The following JMJD1C variants were observed in gnomAD, a reference collection of about 807,000 sequenced individuals.
JMJD1C encodes the protein jumonji domain-containing protein 1C.
JMJD1C carries 31 observed loss-of-function variants against 245.3 expected under a neutral mutation model. The observed-to-expected ratio is 0.13, with a 90% confidence interval of 0.09 to 0.17. The LOEUF (loss-of-function observed/expected upper bound fraction) is 0.17. JMJD1C is among the 10% of genes least tolerant of loss of function. JMJD1C has a pLI of 1.00. For missense variants in JMJD1C, 2,691 were observed against 3,000.2 expected (o/e 0.90, Z 2.41); for synonymous variants, 1,057 against 1,017.4 (o/e 1.04, Z -0.74).
At chr10:63,374,194 A>G (rs1465473233) in intron 2 of JMJD1C, among the ~76,000 whole-genome samples, 1 of 152,190 alleles carries the variant, frequency 6.6e-6, no homozygotes, top group Non-Finnish European at 1.5e-5. Flanking sequence ...AACAAATATA[A>G]AAAACTCAAA....
intron 2 of JMJD1C, among the ~76,000 whole-genome samples, chr10:63,316,227 C>A (rs1228015415): frequency 6.6e-6 from 1 of 152,194 alleles, no homozygotes; most frequent in Non-Finnish European, 1.5e-5. Context: ...TCAAACATGT[C>A]ATTCCACTGC....
intron 2 of JMJD1C, among the ~76,000 whole-genome samples, chr10:63,272,712 G>A (rs1589355182): frequency 1.3e-5 from 2 of 152,072 alleles, no homozygotes; most frequent in East Asian, 3.8e-4. Flanking sequence ...ACCAAAAAAA[G>A]CAAATGCTTA....
At chr10:63,259,202 T>C (rs1183818993) in intron 3 of JMJD1C, among the ~76,000 whole-genome samples, 1 of 152,208 alleles carries the variant, frequency 6.6e-6, no homozygotes, top group Non-Finnish European at 1.5e-5. Flanking sequence ...TAAACAAACC[T>C]CTATCAACAA....
intron 23 of JMJD1C, chr10:63,177,381 C>A: frequency 7.6e-6 from 2 of 263,546 alleles, no homozygotes; most frequent in South Asian, 4.4e-5. Flanking sequence ...TAGACGTTTC[C>A]ATGAAATATT....
chr10:63,447,883 G>A (rs1951807431), intron 1 of JMJD1C, among the ~76,000 whole-genome samples: 1 of 151,896 alleles, frequency 6.6e-6, no homozygotes, highest in Non-Finnish European at 1.5e-5. Context: ...AGGTTGCAGT[G>A]AGCTGAGACC....
chr10:63,455,496 C>T (rs1036904537), intron 1 of JMJD1C, among the ~76,000 whole-genome samples: 24 of 152,120 alleles, frequency 1.6e-4, no homozygotes, highest in Admixed American at 1.4e-3. Flanking sequence ...TAATCTCTTG[C>T]AGGAATATCC....
intron 1 of JMJD1C, among the ~76,000 whole-genome samples, chr10:63,423,115 C>T (rs1408217714): frequency 6.6e-6 from 1 of 152,038 alleles, no homozygotes; most frequent in Non-Finnish European, 1.5e-5. Context: ...CAAGCATGTG[C>T]CACCACACCC....
intron 3 of JMJD1C, among the ~76,000 whole-genome samples, chr10:63,257,534 T>G (rs1854134565): frequency 6.6e-6 from 1 of 152,228 alleles, no homozygotes; most frequent in Admixed American, 6.5e-5. Context: ...CTAACTCTTT[T>G]ATTTAATGCT....
chr10:63,305,228 T>A (rs544976610), intron 2 of JMJD1C, among the ~76,000 whole-genome samples: 40 of 151,086 alleles, frequency 2.6e-4, no homozygotes, highest in Non-Finnish European at 5.0e-4. Context: ...ATTAGCTGGG[T>A]GTGGTGGCAC....
chr10:63,222,518 T>C (rs1372921989), intron 3 of JMJD1C: 45 of 1,328,340 alleles, frequency 3.4e-5, no homozygotes, highest in Non-Finnish European at 4.7e-5. Context: ...CTGACTGCAC[T>C]TTTGTCCCAA....
intron 2 of JMJD1C, among the ~76,000 whole-genome samples, chr10:63,348,419 A>G (rs1944042549): frequency 1.3e-5 from 2 of 152,170 alleles, no homozygotes; most frequent in South Asian, 4.1e-4. Flanking sequence ...GCTTTACATA[A>G]TCCAGAGATA....
intron 1 of JMJD1C, among the ~76,000 whole-genome samples, chr10:63,508,772 C>G (rs1207080571): frequency 2.0e-5 from 3 of 152,102 alleles, no homozygotes; most frequent in Non-Finnish European, 4.4e-5. Context: ...ATTTCAAATT[C>G]CACTTGTTCA....
chr10:63,181,919 C>T (rs753593599), intron 22 of JMJD1C, among the ~76,000 whole-genome samples: 1 of 152,164 alleles, frequency 6.6e-6, no homozygotes, highest in Non-Finnish European at 1.5e-5. Context: ...CTCAAGTGTG[C>T]CCACTGACTC....
intron 1 of JMJD1C, among the ~76,000 whole-genome samples, chr10:63,432,215 A>T (rs1244721316): frequency 1.3e-5 from 2 of 152,156 alleles, no homozygotes; most frequent in Non-Finnish European, 2.9e-5. Flanking sequence ...TATACATCTG[A>T]TGTATGTAAA....
At chr10:63,395,419 A>G (rs1189379207) in intron 1 of JMJD1C, among the ~76,000 whole-genome samples, 3 of 152,200 alleles carry the variant, frequency 2.0e-5, no homozygotes, top group African/African-American at 7.2e-5. Context: ...CGGAGTTTAC[A>G]GTGAGCCAAG....
intron 2 of JMJD1C, among the ~76,000 whole-genome samples, chr10:63,336,230 G>A (rs1438741413): frequency 1.3e-5 from 2 of 151,088 alleles, no homozygotes; most frequent in Non-Finnish European, 3.0e-5. Flanking sequence ...GAGGCCGAAG[G>A]CAGGAGGATC....
intron 12 of JMJD1C, among the ~76,000 whole-genome samples, chr10:63,198,159 G>A (rs924408867): frequency 2.0e-5 from 3 of 152,194 alleles, no homozygotes; most frequent in African/African-American, 4.8e-5. Context: ...ATTTGCCAAA[G>A]GTAACAGTTA....
chr10:63,294,435 G>A (rs1339088323), intron 2 of JMJD1C, among the ~76,000 whole-genome samples: 1 of 151,922 alleles, frequency 6.6e-6, no homozygotes, highest in Non-Finnish European at 1.5e-5. Flanking sequence ...ACAGGTGTGT[G>A]CCGCCACACC....
chr10:63,303,552 C>T (rs1190777183), intron 2 of JMJD1C, among the ~76,000 whole-genome samples: 3 of 152,150 alleles, frequency 2.0e-5, no homozygotes, highest in African/African-American at 4.8e-5. Context: ...GTGATCTGCC[C>T]GCCTTGGCTT....
Sources: gnomAD v4.1 joint callset for allele counts (sites outside exome capture counted in the v4.1 genomes callset) on GRCh38, gnomAD v4.1.1 for gene constraint, MANE v1.5 for transcripts, NCBI Gene and HGNC (gene_info 2026-07-23, HGNC 2026-07-21) for gene names.